Variants in KIF21A observed in about 807,000 individuals in gnomAD.
KIF21A encodes the protein kinesin-like protein KIF21A.
KIF21A carries 114 observed loss-of-function variants against 202.9 expected under a neutral mutation model. That is an observed-to-expected ratio of 0.56 (90% CI 0.48 to 0.66). The LOEUF (loss-of-function observed/expected upper bound fraction) is 0.66, where lower values mean the gene tolerates loss of function less well. Among genes scored for constraint, KIF21A ranks in the 30% least tolerant of loss-of-function variants. The probability of loss-of-function intolerance (pLI) is 0.00; values close to 1 mark genes in which losing one functional copy is unlikely to be tolerated. For synonymous variants in KIF21A, 667 were observed against 670.8 expected (o/e 0.99, Z 0.09); for missense variants, 1,677 against 1,994.9 (o/e 0.84, Z 3.04).
At chr12:39,336,282 C>T (rs1242249667) in intron 17 of KIF21A, among the ~76,000 whole-genome samples, 1 of 152,074 alleles carries the variant, frequency 6.6e-6, no homozygotes, top group African/African-American at 2.4e-5. Context: ...GAAATAATCA[C>T]ATTGCCAAAA....
chr12:39,304,075 C>T (rs748569578), intron 35 of KIF21A, among the ~76,000 whole-genome samples: 2 of 152,144 alleles, frequency 1.3e-5, no homozygotes, highest in Non-Finnish European at 2.9e-5. Context: ...CTCCACTAAG[C>T]CCAGCTCCTA....
At chr12:39,349,417 C>A (rs987292820) in intron 11 of KIF21A, among the ~76,000 whole-genome samples, 5 of 152,046 alleles carry the variant, frequency 3.3e-5, no homozygotes, top group Non-Finnish European at 4.4e-5. Flanking sequence ...AATGCCCTCT[C>A]TGACAAATAA....
chr12:39,436,738 C>T (rs1184527951), intron 1 of KIF21A, among the ~76,000 whole-genome samples: 1 of 151,698 alleles, frequency 6.6e-6, no homozygotes, highest in Non-Finnish European at 1.5e-5. Context: ...GTCCCTTTGG[C>T]TTGGCTGTCA....
Position 39,342,952 on chromosome 12 carries a change from G to A in KIF21A, c.1713-828C>T, listed in dbSNP as rs77227110. On this transcript the variant is annotated intron_variant, in intron 12 of 37. Transcript: ENST00000361418. ...GAAGTTTCGTACACCCAAATAACTC[G>A]AATCCTTTGTGGGTTTAGCAATCAA... is the stretch of plus-strand genomic sequence containing the variant. Among the ~76,000 whole-genome samples, 40 of 152,222 alleles carry A rather than the reference G, an allele frequency of 2.6e-4. No individual in the cohort carries two copies. The East Asian group carries it at 5.2e-3, about 20-fold the overall frequency.
At chr12:39,441,448 C>T (rs990550955) in intron 1 of KIF21A, among the ~76,000 whole-genome samples, 8 of 151,904 alleles carry the variant, frequency 5.3e-5, no homozygotes, top group Non-Finnish European at 1.0e-4. Context: ...ATTGGGTTTT[C>T]TGTCTTTTTC....
At chr12:39,313,168 A>C (rs1256258597) in intron 31 of KIF21A, among the ~76,000 whole-genome samples, 2 of 151,860 alleles carry the variant, frequency 1.3e-5, no homozygotes, top group Non-Finnish European at 3.0e-5. Flanking sequence ...AGTATATGCC[A>C]TTGTGTAAGC....
At chr12:39,339,964 A>T (rs1220747082) in intron 16 of KIF21A, among the ~76,000 whole-genome samples, 1 of 152,182 alleles carries the variant, frequency 6.6e-6, no homozygotes, top group Non-Finnish European at 1.5e-5. Context: ...TGAGCACATG[A>T]TTTTCAGCTA....
chr12:39,372,045 A>C (rs1477302786), intron 1 of KIF21A, among the ~76,000 whole-genome samples: 1 of 151,212 alleles, frequency 6.6e-6, no homozygotes, highest in East Asian at 1.9e-4. Context: ...AAAAAAAAAA[A>C]CTCAGGTCAA....
chr12:39,346,303 T>G (rs759515152), intron 12 of KIF21A, among the ~76,000 whole-genome samples, 163 bp downstream of exon 12: 1 of 152,078 alleles, frequency 6.6e-6, no homozygotes, highest in Non-Finnish European at 1.5e-5. Context: ...TCTTAAAAAT[T>G]TATTACAGTG....
At chr12:39,313,033 G>C (rs956212917) in intron 31 of KIF21A, among the ~76,000 whole-genome samples, 1 of 151,868 alleles carries the variant, frequency 6.6e-6, no homozygotes, top group Non-Finnish European at 1.5e-5. Context: ...AATAATCTTC[G>C]AGATGCAAGA....
intron 1 of KIF21A, among the ~76,000 whole-genome samples, chr12:39,405,643 CA>C (rs1780908370): frequency 6.6e-6 from 1 of 152,004 alleles, no homozygotes; most frequent in African/African-American, 2.4e-5. Context: ...ATTTAAGAAA[CA>C]AAAACCTACA....
chr12:39,333,091 C>T lies in KIF21A; in HGVS notation c.2504G>A (p.Arg835Gln), dbSNP rs1351407142. ...RKTEEVTALR[R>Q]QVRPMSDKVA... ...TTTATCTGACATGGGTCTTACTTGC[C>T]GACGAAGAGCCGTAACCTGAAATTG... Residue 835 changes from arginine (R) to glutamine (Q), a missense_variant, in exon 19 of 38, where the codon CGG becomes CAG. Arg to Gln is a conservative substitution (Grantham distance 43, BLOSUM62 1). Coordinates refer to ENST00000361418, the MANE Select transcript of KIF21A (RefSeq NM_001173464.2). 5.0e-6 allele frequency: 8 copies of T among 1,613,758 alleles called. No individual in the cohort carries two copies. Among genetic ancestry groups the T allele is most frequent in the East Asian group, 2.2e-5 (1 of 44,892 alleles).
At chr12:39,355,072 G>A (rs1032288684) in intron 10 of KIF21A, among the ~76,000 whole-genome samples, 5 of 151,990 alleles carry the variant, frequency 3.3e-5, no homozygotes, top group Admixed American at 1.3e-4. Flanking sequence ...CCCAGGGGTG[G>A]GACACACCTA....
chr12:39,353,720 T>G (rs1240908285), intron 10 of KIF21A, among the ~76,000 whole-genome samples: 1 of 152,150 alleles, frequency 6.6e-6, no homozygotes, highest in African/African-American at 2.4e-5. Context: ...ATGTTAAAAG[T>G]CTGCATTTGG....
intron 1 of KIF21A, among the ~76,000 whole-genome samples, chr12:39,435,416 A>T (rs1938544773): frequency 6.6e-6 from 1 of 152,222 alleles, no homozygotes; most frequent in South Asian, 2.1e-4. Flanking sequence ...TAAGACCCCA[A>T]ATGGCAGAAA....
At chr12:39,344,216 A>C (rs2138477912) in intron 12 of KIF21A, among the ~76,000 whole-genome samples, 1 of 152,342 alleles carries the variant, frequency 6.6e-6, no homozygotes, top group African/African-American at 2.4e-5. Context: ...ATAATATACT[A>C]GGACTGCTGA....
At chr12:39,372,816 C>A (rs80329996) in intron 1 of KIF21A, among the ~76,000 whole-genome samples, 10,648 of 152,148 alleles carry the variant, frequency 0.07, 741 homozygotes, top group East Asian at 0.31. Context: ...ACAGCAAAAA[C>A]CCCAATCCTC....
intron 1 of KIF21A, among the ~76,000 whole-genome samples, chr12:39,412,822 C>T (rs1488709690): frequency 1.3e-5 from 2 of 152,102 alleles, no homozygotes; most frequent in Admixed American, 6.6e-5. Flanking sequence ...TACCTGAGTC[C>T]CACGTCAAGC....
intron 24 of KIF21A, among the ~76,000 whole-genome samples, chr12:39,328,371 A>G (rs994226926): frequency 2.6e-5 from 4 of 152,078 alleles, no homozygotes; most frequent in Non-Finnish European, 5.9e-5. Flanking sequence ...GAAAGAAAGC[A>G]CTCTGTGTGA....
Sources: gnomAD v4.1 joint callset for allele counts (sites outside exome capture counted in the v4.1 genomes callset) on GRCh38, gnomAD v4.1.1 for gene constraint, MANE v1.5 for transcripts, NCBI Gene and HGNC (gene_info 2026-07-23, HGNC 2026-07-21) for gene names.